DISP1: variants seen among roughly 807,000 people sequenced by gnomAD.
DISP1 encodes the protein protein dispatched homolog 1.
Under a neutral mutation model 37.3 loss-of-function variants are expected in DISP1, and 30 were observed. That is an observed-to-expected ratio of 0.80 (90% CI 0.60 to 1.09). The LOEUF is 1.09. Ranked by LOEUF, DISP1 falls within the 50% of genes least tolerant of loss-of-function variation. DISP1 has a pLI of 0.00. For synonymous variants in DISP1, 634 were observed against 690.2 expected, an observed-to-expected ratio of 0.92 and a Z score of 1.28; for missense variants, 1,598 against 1,879.5, an observed-to-expected ratio of 0.85 and a Z score of 2.77.
rs562191379 is a variant in DISP1 at position 222,993,616 on chromosome 1, G to C, written c.890-1269G>C. Among the ~76,000 whole-genome samples the C allele has an allele frequency of 3.3e-5, 5 of 152,250 alleles. No individual in the cohort carries two copies. In the South Asian group the frequency reaches 6.2e-4, roughly 19 times the overall value. ...ATACTGATCCCAGGAAGCAATACAT[G>C]TTTCCTTTTCTGTCTCTTCTCTTAA... On this transcript the variant is annotated intron_variant, in intron 7 of 8. Transcript: ENST00000675850.
chr1:222,900,369 A>G (rs904233304), intron 1 of DISP1, among the ~76,000 whole-genome samples: 5 of 152,208 alleles, frequency 3.3e-5, no homozygotes, highest in African/African-American at 1.2e-4. Context: ...TATGTCATAC[A>G]TACCCATTCA....
chr1:222,910,556 A>G (rs558272090), intron 1 of DISP1, among the ~76,000 whole-genome samples: 2 of 152,324 alleles, frequency 1.3e-5, no homozygotes, highest in African/African-American at 4.8e-5. Flanking sequence ...TGATTGAAAT[A>G]TTAGAGATGT....
intron 3 of DISP1, among the ~76,000 whole-genome samples, chr1:222,954,705 G>C (rs1265109035): frequency 5.3e-5 from 8 of 152,062 alleles, no homozygotes; most frequent in African/African-American, 1.7e-4. Flanking sequence ...GGAGAGGGGA[G>C]GGGCTTTTCA....
At position 223,003,810 on chromosome 1, in the gene DISP1, A is replaced by G; in HGVS notation, c.2413A>G (p.Lys805Glu). Residue 805 changes from lysine (K) to glutamate (E), a missense_variant, in exon 9 of 9, where the codon AAG (lysine) becomes GAG (glutamate). Lys to Glu is a moderately conservative substitution (Grantham distance 56). Transcript: ENST00000675850. This position sits in a 1 kb window ranked among gnomAD's most constrained non-coding sequence, Gnocchi z 4.3. ...PEDNGNPLNP[K>E]SKGKLTLDSS... ...AGACAATGGCAACCCACTAAATCCCAAGAGTAAAGGGAAGTTGACATTAGA... is the reference window on the plus strand; with the variant it reads ...AGACAATGGCAACCCACTAAATCCCGAGAGTAAAGGGAAGTTGACATTAGA... 1 of 1,614,182 alleles carries G rather than the reference A, an allele frequency of 6.2e-7. No individual in the cohort carries two copies. The highest frequency in any genetic ancestry group is 8.5e-7 in the Non-Finnish European group (1 of 1,180,028).
At chr1:222,915,786 A>G (rs534852956) in intron 1 of DISP1, among the ~76,000 whole-genome samples, 55 of 152,216 alleles carry the variant, frequency 3.6e-4, no homozygotes, top group Non-Finnish European at 6.6e-4. Context: ...GGCACAGGTT[A>G]TCTTGTTGCT....
intron 1 of DISP1, among the ~76,000 whole-genome samples, chr1:222,839,112 C>A (rs929350926): frequency 2.0e-5 from 3 of 152,142 alleles, no homozygotes. Flanking sequence ...GGGTCCCCAA[C>A]TCCCAGGTTG....
chr1:222,859,435 A>G (rs899997487), intron 1 of DISP1, among the ~76,000 whole-genome samples: 10 of 152,352 alleles, frequency 6.6e-5, no homozygotes, highest in South Asian at 6.2e-4. Flanking sequence ...ACCATGGCAC[A>G]TGTTTACCTA....
At chr1:222,832,125 C>CA (rs894642313) in intron 1 of DISP1, among the ~76,000 whole-genome samples, 2 of 151,322 alleles carry the variant, frequency 1.3e-5, no homozygotes, top group Non-Finnish European at 3.0e-5. Flanking sequence ...ACTAAAAATT[C>CA]AAAAAAAATG....
At chr1:222,972,607 T>C (rs1677044442) in intron 3 of DISP1, among the ~76,000 whole-genome samples, 1 of 152,142 alleles carries the variant, frequency 6.6e-6, no homozygotes. Flanking sequence ...ACAAGGTTTG[T>C]TTCCTTTCCT....
intron 1 of DISP1, among the ~76,000 whole-genome samples, chr1:222,906,304 C>A (rs1572477599): frequency 6.6e-6 from 1 of 152,066 alleles, no homozygotes; most frequent in Non-Finnish European, 1.5e-5. Context: ...AAAAAGAGTT[C>A]GATGTGCTTT....
chr1:222,904,078 T>C (rs1032724848), intron 1 of DISP1, among the ~76,000 whole-genome samples: 5 of 152,262 alleles, frequency 3.3e-5, no homozygotes, highest in Non-Finnish European at 7.3e-5. Flanking sequence ...AGTCTTCTTA[T>C]TCATTTCCCT....
At chr1:222,891,086 A>T (rs1257536952) in intron 1 of DISP1, among the ~76,000 whole-genome samples, 4 of 152,184 alleles carry the variant, frequency 2.6e-5, no homozygotes, top group Non-Finnish European at 5.9e-5. Flanking sequence ...CCGTAATACC[A>T]GGAGTTAGCT....
At chr1:222,934,155 A>C (rs1673572745) in intron 2 of DISP1, among the ~76,000 whole-genome samples, 2 of 152,066 alleles carry the variant, frequency 1.3e-5, no homozygotes, top group Admixed American at 6.6e-5. Flanking sequence ...GTCCTATAAA[A>C]GCTAGTTGGA....
chr1:222,825,684 G>A (rs35806235), intron 1 of DISP1, among the ~76,000 whole-genome samples: 6,035 of 151,964 alleles, frequency 0.04, 139 homozygotes, highest in Middle Eastern at 0.079. Flanking sequence ...TGTATATTTG[G>A]TAGAGACGGG....
chr1:222,989,608 G>A, intron 4 of DISP1: 1 of 971,676 alleles, frequency 1.0e-6, no homozygotes, highest in Non-Finnish European at 1.2e-6. Flanking sequence ...CTGCACATGT[G>A]GGAAGAGACT....
intron 4 of DISP1, among the ~76,000 whole-genome samples, chr1:222,988,846 T>C (rs1321676389): frequency 2.0e-5 from 3 of 151,988 alleles, no homozygotes; most frequent in Admixed American, 1.3e-4. Flanking sequence ...AGAGACAGAG[T>C]TTCACCATGT....
intron 3 of DISP1, among the ~76,000 whole-genome samples, chr1:222,954,774 C>T (rs1456831384): frequency 6.6e-6 from 1 of 151,944 alleles, no homozygotes; most frequent in Non-Finnish European, 1.5e-5. Context: ...CACTTGAGGC[C>T]GAGGCAGGAG....
intron 2 of DISP1, among the ~76,000 whole-genome samples, chr1:222,936,759 A>C (rs1430201933): frequency 1.4e-5 from 1 of 72,278 alleles, no homozygotes; most frequent in African/African-American, 5.3e-5. Context: ...TATATATGAT[A>C]TATAAAAATT....
rs1669680717 is a variant in DISP1, at chr1:222,873,032, C to T, written c.-158-55398C>T. ...ATTTCTGCCTTCATTTCGTTATGTA[C>T]CCAGTAGTCATTCAGGAGCAGGTTG... On this transcript the variant is annotated intron_variant, in intron 1 of 8. Transcript: ENST00000675850. Among the ~76,000 whole-genome samples the T allele has an allele frequency of 2.0e-5, 3 of 152,064 alleles. No individual in the cohort carries two copies. In the South Asian group the frequency reaches 6.2e-4, roughly 32 times the overall value.
Sources: allele counts gnomAD v4.1 joint callset (sites outside exome capture counted in the v4.1 genomes callset), GRCh38; gene constraint gnomAD v4.1.1; non-coding constraint Gnocchi (gnomAD v3.1); transcripts MANE v1.5; gene names NCBI Gene and HGNC (gene_info 2026-07-23, HGNC 2026-07-21).